Variants in IKZF2 observed in about 807,000 individuals in gnomAD.
The protein encoded by IKZF2 is zinc finger protein Helios.
In IKZF2, 15 loss-of-function variants were observed where a neutral mutation model predicts 49.2. That is an observed-to-expected ratio of 0.30 (90% confidence interval 0.20 to 0.47). The LOEUF (loss-of-function observed/expected upper bound fraction) is 0.47. Among genes scored for constraint, IKZF2 ranks in the 20% least tolerant of loss-of-function variants. IKZF2 has a pLI of 1.00. For missense variants in IKZF2, 567 were observed against 664.6 expected, an observed-to-expected ratio of 0.85 and a Z score of 1.61; for synonymous variants, 227 against 221.4, an observed-to-expected ratio of 1.03 and a Z score of -0.23.
intron 4 of IKZF2, among the ~76,000 whole-genome samples, chr2:213,133,146 T>C (rs2060528585): frequency 6.6e-6 from 1 of 152,216 alleles, no homozygotes; most frequent in Non-Finnish European, 1.5e-5. Flanking sequence ...AGTTATTATG[T>C]AATTCAACTT....
chr2:213,035,128 G>A lies in IKZF2; in HGVS notation c.575-12998C>T, dbSNP rs1698872313. Among the ~76,000 whole-genome samples the A allele has an allele frequency of 1.3e-5, 2 of 152,012 alleles. 1 individual carries two copies. Among genetic ancestry groups the A allele is most frequent in the Admixed American group, 1.3e-4 (2 of 15,260 alleles). On this transcript the variant is annotated intron_variant, in intron 6 of 8. Transcript: ENST00000434687. ...TAATGCCAGTTGTGTGTGAAGCCTA[G>A]GTTACGTTAAATTAGGAAATAGTTG...
chr2:213,023,789 C>T (rs1184727583), intron 6 of IKZF2, among the ~76,000 whole-genome samples: 1 of 152,110 alleles, frequency 6.6e-6, no homozygotes, highest in Admixed American at 6.6e-5. Flanking sequence ...AAGCTAATAG[C>T]CCGCTGTAAA....
chr2:213,130,757 C>A (rs569635433), intron 4 of IKZF2, among the ~76,000 whole-genome samples: 3 of 152,140 alleles, frequency 2.0e-5, no homozygotes, highest in African/African-American at 7.2e-5. Context: ...CCTATATATG[C>A]CAGTTAGATA....
intron 7 of IKZF2, 66 bp from the exon 8 acceptor site, chr2:213,014,000 G>T: frequency 6.8e-7 from 1 of 1,466,692 alleles, no homozygotes; most frequent in Non-Finnish European, 9.5e-7. Flanking sequence ...TACAAAGCTG[G>T]ATATGCCATC....
intron 4 of IKZF2, among the ~76,000 whole-genome samples, chr2:213,096,938 T>C (rs1475170176): frequency 6.6e-6 from 1 of 152,086 alleles, no homozygotes; most frequent in Non-Finnish European, 1.5e-5. Flanking sequence ...GGTATTTTAT[T>C]ATTTTAAAGT....
chr2:213,075,871 T>C (rs1313522019), intron 4 of IKZF2, among the ~76,000 whole-genome samples: 1 of 152,104 alleles, frequency 6.6e-6, no homozygotes, highest in Non-Finnish European at 1.5e-5. Flanking sequence ...TTTCTCTGCC[T>C]GGGAATAATA....
intron 4 of IKZF2, among the ~76,000 whole-genome samples, chr2:213,132,710 G>A (rs77287624): frequency 0.014 from 2,198 of 152,270 alleles, 22 homozygotes; most frequent in Middle Eastern, 0.027. Context: ...CACCTAGGGA[G>A]GTACACCAAG....
chr2:213,032,745 G>A (rs1416623971), intron 6 of IKZF2, among the ~76,000 whole-genome samples: 1 of 152,172 alleles, frequency 6.6e-6, no homozygotes, highest in Non-Finnish European at 1.5e-5. Context: ...ACACTGTAAA[G>A]ATAATCTGAG....
chr2:213,024,855 C>T (rs1451464997), intron 6 of IKZF2, among the ~76,000 whole-genome samples: 2 of 152,050 alleles, frequency 1.3e-5, no homozygotes, highest in Non-Finnish European at 2.9e-5. Context: ...ATTGTTTATA[C>T]TTACTCCCTA....
At chr2:213,008,890 T>C (rs1377113447) in intron 8 of IKZF2, among the ~76,000 whole-genome samples, 1 of 152,070 alleles carries the variant, frequency 6.6e-6, no homozygotes, top group African/African-American at 2.4e-5. Context: ...ATATAACCCA[T>C]ATATGTCATT....
intron 8 of IKZF2, among the ~76,000 whole-genome samples, chr2:213,009,283 G>A (rs575821370): frequency 5.1e-4 from 78 of 152,156 alleles, no homozygotes; most frequent in African/African-American, 1.8e-3. Context: ...TGCTTGCAAC[G>A]GGAAAAGTAG....
chr2:213,129,514 G>T (rs73077298), intron 4 of IKZF2, among the ~76,000 whole-genome samples: 5,309 of 151,860 alleles, frequency 0.035, 304 homozygotes, highest in African/African-American at 0.12. Flanking sequence ...TAAAAGTTCA[G>T]TGAACAGGGA....
chr2:213,013,205 A>C (rs1696169562), intron 8 of IKZF2, among the ~76,000 whole-genome samples: 1 of 152,042 alleles, frequency 6.6e-6, no homozygotes, highest in Non-Finnish European at 1.5e-5. Context: ...TATTTTTCCA[A>C]TGCAGAATTT....
At chr2:213,042,722 T>A (rs1699780413) in intron 6 of IKZF2, among the ~76,000 whole-genome samples, 1 of 152,100 alleles carries the variant, frequency 6.6e-6, no homozygotes, top group Admixed American at 6.5e-5. Flanking sequence ...ACAGGATCTT[T>A]AAGTTCTTAA....
In IKZF2 at chr2:213,003,103, A is replaced by G. The variant is rs1010250966; in HGVS notation, c.*4257T>C. The G allele has an allele frequency of 2.2e-4, 34 of 152,090 alleles. No homozygotes were observed. Among genetic ancestry groups the G allele is most frequent in the Non-Finnish European group, 4.4e-5 (3 of 67,672 alleles). The allele number at this position is 152,090 out of a possible 1,614,324, so 9.4% of individuals were successfully genotyped here. A position where few individuals can be genotyped will look rare whatever the true frequency, so the allele number is the denominator to read the frequency against. ...TGCACTAAAAATGCAGAGATGAATT[A>G]TATAGTACTCAATTTTAAGTGATTT... On this transcript the variant is annotated 3_prime_UTR_variant, in exon 9 of 9. Coordinates refer to ENST00000434687, the MANE Select transcript of IKZF2 (RefSeq NM_001387220.1).
At chr2:213,051,944 A>C (rs952755834) in intron 5 of IKZF2, among the ~76,000 whole-genome samples, 2 of 151,962 alleles carry the variant, frequency 1.3e-5, no homozygotes, top group East Asian at 3.8e-4. Context: ...GCTGACTCCA[A>C]TTTCCTTTAA....
chr2:213,022,886 T>A (rs189711353), intron 6 of IKZF2, among the ~76,000 whole-genome samples: 2 of 152,282 alleles, frequency 1.3e-5, no homozygotes, highest in Admixed American at 6.5e-5. Flanking sequence ...GGAGCCATTA[T>A]CTCAGTGTCA....
chr2:213,124,228 GCACACATGCGCTCGCGCGCGCGCGCACA>G (rs1357039658), intron 4 of IKZF2, among the ~76,000 whole-genome samples: 2 of 136,406 alleles, frequency 1.5e-5, no homozygotes, highest in African/African-American at 5.2e-5. Context: ...TTGTGTGCAC[GCACACATGCGCTCGCGCGCGCGCGCACA>G]CACACACACA....
At chr2:213,020,295 G>A (rs1004117689) in intron 7 of IKZF2, among the ~76,000 whole-genome samples, 2 of 151,858 alleles carry the variant, frequency 1.3e-5, no homozygotes, top group African/African-American at 2.4e-5. Context: ...AAATTTATAG[G>A]GAATAGCACA....
Sources: allele counts gnomAD v4.1 joint callset (sites outside exome capture counted in the v4.1 genomes callset), GRCh38; gene constraint gnomAD v4.1.1; transcripts MANE v1.5; gene names NCBI Gene and HGNC (gene_info 2026-07-23, HGNC 2026-07-21).